DSTN: variants seen among roughly 807,000 people sequenced by gnomAD.
DSTN encodes the protein destrin.
DSTN carries 10 observed loss-of-function variants against 16.8 expected under a neutral mutation model. The ratio of observed to expected loss-of-function variants is 0.60; its 90% CI spans 0.37 to 1.01. DSTN has a LOEUF of 1.01. DSTN is among the 50% of genes least tolerant of loss of function. The pLI, the probability that DSTN is intolerant of heterozygous loss-of-function variation, is 0.01. For synonymous variants in DSTN, 57 were observed against 58.9 expected (o/e 0.97, Z 0.14); for missense variants, 141 against 196.7 (o/e 0.72, Z 1.69).
In DSTN at chr20:17,608,877, A is replaced by G. The variant is rs1022192918; in HGVS notation, c.*1731A>G. On this transcript the variant is annotated 3_prime_UTR_variant, in exon 4 of 4. Transcript: ENST00000246069. ...GCATATACTATGGTGGTCCCATACA[A>G]TTATAATGTATTTTCTACTGTAATT... 6.6e-6 allele frequency: 1 copy of G among 152,166 alleles called. No individual in the cohort carries two copies. Among genetic ancestry groups the G allele is most frequent in the African/African-American group, 2.4e-5 (1 of 41,430 alleles). The allele number at this position is 152,166 out of a possible 1,614,324, so 9.4% of individuals were successfully genotyped here.
intron 2 of DSTN, 36 bp downstream of exon 2, chr20:17,601,081 T>G: frequency 6.5e-7 from 1 of 1,543,306 alleles, no homozygotes; most frequent in Non-Finnish European, 8.7e-7. Context: ...TCTGTAAAAC[T>G]CATTTTGTTA....
chr20:17,576,329 C>A, intron 1 of DSTN: 1 of 154,154 alleles, frequency 6.5e-6, no homozygotes. Context: ...TAACCTTGAC[C>A]AAAGACCGGT....
intron 1 of DSTN, among the ~76,000 whole-genome samples, chr20:17,584,608 C>T (rs2035386087): frequency 2.0e-5 from 3 of 150,046 alleles, no homozygotes; most frequent in African/African-American, 4.9e-5. Flanking sequence ...GCCGAGGTCA[C>T]GCCATTGCAC....
intron 1 of DSTN, among the ~76,000 whole-genome samples, chr20:17,600,432 G>A (rs1207773912): frequency 1.3e-5 from 2 of 152,136 alleles, no homozygotes; most frequent in Non-Finnish European, 2.9e-5. Flanking sequence ...TAAGCAACCT[G>A]TATAAGAAGA....
intron 1 of DSTN, among the ~76,000 whole-genome samples, chr20:17,590,393 A>G (rs1371686833): frequency 6.6e-6 from 1 of 152,250 alleles, no homozygotes; most frequent in Non-Finnish European, 1.5e-5. Context: ...GAGGAGACTC[A>G]GACAGGTTTG....
chr20:17,585,693 AACT>A (rs1333888244), intron 1 of DSTN, among the ~76,000 whole-genome samples: 2 of 152,200 alleles, frequency 1.3e-5, no homozygotes, highest in African/African-American at 4.8e-5. Flanking sequence ...ATAGTTGTGT[AACT>A]ACAGCCACAG....
At chr20:17,574,860 C>CTTTTT (rs1410531139) in intron 1 of DSTN, among the ~76,000 whole-genome samples, 13 of 67,204 alleles carry the variant, frequency 1.9e-4, no homozygotes, top group African/African-American at 3.8e-4. Flanking sequence ...TTTTTCTTTT[C>CTTTTT]TTTTCTTTTG....
chr20:17,598,717 C>G (rs1366322369), intron 1 of DSTN, among the ~76,000 whole-genome samples: 1 of 151,628 alleles, frequency 6.6e-6, no homozygotes, highest in Non-Finnish European at 1.5e-5. Flanking sequence ...AATATTTTTC[C>G]ATTGTTTAGT....
intron 3 of DSTN, among the ~76,000 whole-genome samples, chr20:17,606,198 G>T (rs1336427266): frequency 6.6e-6 from 1 of 151,986 alleles, no homozygotes; most frequent in Non-Finnish European, 1.5e-5. Context: ...TAGTTCAAAA[G>T]CTGACCTGCT....
intron 1 of DSTN, among the ~76,000 whole-genome samples, chr20:17,577,879 A>G (rs1474190912): frequency 6.6e-6 from 1 of 152,248 alleles, no homozygotes; most frequent in Non-Finnish European, 1.5e-5. Flanking sequence ...TCATATACTC[A>G]AGTTGCTCCA....
In DSTN at chr20:17,607,862, A is replaced by G. The variant is rs942717486; in HGVS notation, c.*716A>G. The G allele has an allele frequency of 1.3e-5, 2 of 152,212 alleles. No individual in the cohort carries two copies. The highest frequency in any genetic ancestry group is 2.1e-4 in the South Asian group (1 of 4,832). 9.4% of individuals were successfully genotyped at this position (152,212 alleles called of 1,614,324 possible). ...TCTTGTAACAACTAATTATAATGCA[A>G]ATTAGGGCTACATTGTAATCTGCTT... On this transcript the variant is annotated 3_prime_UTR_variant, in exon 4 of 4. Transcript: ENST00000246069.
chr20:17,590,125 AT>A (rs2035454003), intron 1 of DSTN, among the ~76,000 whole-genome samples: 1 of 152,252 alleles, frequency 6.6e-6, no homozygotes, highest in Non-Finnish European at 1.5e-5. Context: ...CAAAAATCAA[AT>A]TAGAAAAATT....
chr20:17,600,294 A>G (rs990308646), intron 1 of DSTN, among the ~76,000 whole-genome samples: 7 of 152,296 alleles, frequency 4.6e-5, no homozygotes, highest in Admixed American at 1.3e-4. Flanking sequence ...TTTATTAGAG[A>G]AAGAGATGCT....
intron 1 of DSTN, among the ~76,000 whole-genome samples, chr20:17,572,980 G>A (rs2122154659): frequency 6.6e-6 from 1 of 152,186 alleles, no homozygotes; most frequent in South Asian, 2.1e-4. Flanking sequence ...TAATATCCTG[G>A]CTGGTTAAGG....
intron 1 of DSTN, among the ~76,000 whole-genome samples, chr20:17,579,123 G>A (rs868448043): frequency 2.6e-5 from 4 of 152,236 alleles, no homozygotes; most frequent in Middle Eastern, 6.8e-3. Flanking sequence ...TCTGGCTGCT[G>A]GGTTTTTTTA....
rs1337853436 is a variant in DSTN, at chr20:17,580,761, A to T, written c.3+10550A>T. ...GAAACTCCGTCTCAAAAAAAAAAAA[A>T]AATGGGAAGTACTGGAAGAGTTGGG... On this transcript the variant is annotated intron_variant, in intron 1 of 3. Transcript: ENST00000246069. 3.9e-5 allele frequency among the ~76,000 whole-genome samples: 6 copies of T among 152,146 alleles called. No homozygotes were observed. In the South Asian group the frequency reaches 8.3e-4, roughly 21 times the overall value.
At chr20:17,589,367 T>TA (rs1477985399) in intron 1 of DSTN, among the ~76,000 whole-genome samples, 1 of 152,096 alleles carries the variant, frequency 6.6e-6, no homozygotes, top group African/African-American at 2.4e-5. Flanking sequence ...CACACCACCA[T>TA]GCCTGGCTAA....
At chr20:17,581,133 T>G (rs181263041) in intron 1 of DSTN, among the ~76,000 whole-genome samples, 95 of 152,242 alleles carry the variant, frequency 6.2e-4, no homozygotes, top group African/African-American at 2.2e-3. Context: ...GAGATATGAT[T>G]TATCCCTGTG....
chr20:17,606,977 TAGAG>T, intron 3 of DSTN, 56 bp from the exon 4 acceptor site: 3 of 1,565,326 alleles, frequency 1.9e-6, no homozygotes, highest in Non-Finnish European at 2.6e-6. Context: ...TTGGTTATCT[TAGAG>T]AAAGAGGTAA....
Sources: gnomAD v4.1 joint callset for allele counts (sites outside exome capture counted in the v4.1 genomes callset) on GRCh38, gnomAD v4.1.1 for gene constraint, MANE v1.5 for transcripts, NCBI Gene and HGNC (gene_info 2026-07-23, HGNC 2026-07-21) for gene names.